PRTG: variants seen among roughly 807,000 people sequenced by gnomAD.
PRTG encodes immunoglobulin superfamily, DCC subclass, member 5.
PRTG carries 67 observed loss-of-function variants against 122.5 expected under a neutral mutation model. The ratio of observed to expected loss-of-function variants is 0.55; its 90% CI spans 0.45 to 0.67. The LOEUF (loss-of-function observed/expected upper bound fraction) is 0.67. PRTG is among the 30% of genes least tolerant of loss of function. The pLI, the probability that PRTG is intolerant of heterozygous loss-of-function variation, is 0.00. For synonymous variants in PRTG, 554 were observed against 501.1 expected (o/e 1.11, Z -1.41); for missense variants, 1,435 against 1,415.4 (o/e 1.01, Z -0.22).
intron 12 of PRTG, 107 bp from the exon 13 acceptor site, chr15:55,639,935 C>T: frequency 6.7e-7 from 1 of 1,486,898 alleles, no homozygotes; most frequent in Non-Finnish European, 9.0e-7. Context: ...GATTTTAGGT[C>T]TTTCTTCCAC....
At chr15:55,662,626 A>C (rs1595628760) in intron 11 of PRTG, among the ~76,000 whole-genome samples, 2 of 152,190 alleles carry the variant, frequency 1.3e-5, no homozygotes, top group African/African-American at 4.8e-5. Context: ...CTATATTGAA[A>C]AATTTCAGTT....
At chr15:55,630,188 G>C (rs957230256) in intron 15 of PRTG, among the ~76,000 whole-genome samples, 47 of 152,118 alleles carry the variant, frequency 3.1e-4, no homozygotes, top group Non-Finnish European at 3.4e-4. Flanking sequence ...GGGTTTCACC[G>C]TGTTAGCCAG....
chr15:55,725,099 C>CTATA (rs1329546049), intron 2 of PRTG, among the ~76,000 whole-genome samples: 1 of 152,108 alleles, frequency 6.6e-6, no homozygotes, highest in African/African-American at 2.4e-5. Context: ...CATAAAAAGC[C>CTATA]TATACATCTA....
At chr15:55,620,406 C>G in intron 19 of PRTG, 140 bp from the exon 20 acceptor site, 1 of 1,448,388 alleles carries the variant, frequency 6.9e-7, no homozygotes, top group South Asian at 1.4e-5. Context: ...TTCTTCAGTG[C>G]TTCTGATGCA....
chr15:55,684,515 C>T (rs1157905659), intron 2 of PRTG, among the ~76,000 whole-genome samples: 1 of 152,116 alleles, frequency 6.6e-6, no homozygotes, highest in Non-Finnish European at 1.5e-5. Context: ...CAGATCAAGA[C>T]TTTATGGGAA....
chr15:55,693,961 G>C (rs2059618759), intron 2 of PRTG, among the ~76,000 whole-genome samples: 1 of 152,078 alleles, frequency 6.6e-6, no homozygotes, highest in Non-Finnish European at 1.5e-5. Context: ...TAAAGGCAAA[G>C]GTATTCTAAA....
Position 55,620,281 on chromosome 15 carries a change from A to G in PRTG, c.3199-15T>C, listed in dbSNP as rs781711706. 3 of 1,612,658 alleles carry G rather than the reference A, an allele frequency of 1.9e-6. No homozygotes were observed. The highest frequency in any genetic ancestry group is 4.5e-5 in the East Asian group (2 of 44,886). On this transcript the variant is annotated splice_polypyrimidine_tract_variant and intron_variant, in intron 19 of 19. Transcript: ENST00000389286. ...CTTCTTTGAGGCTAGGCAAAAAAAGATAAGATGGCAATGAGATACCAGACT... is the reference window on the plus strand; with the variant it reads ...CTTCTTTGAGGCTAGGCAAAAAAAGGTAAGATGGCAATGAGATACCAGACT...
intron 9 of PRTG, among the ~76,000 whole-genome samples, chr15:55,674,187 C>T (rs1305054486): frequency 2.6e-5 from 4 of 152,306 alleles, no homozygotes; most frequent in Admixed American, 6.5e-5. Context: ...AATAAAACTG[C>T]ATTTCAGGAA....
At chr15:55,722,532 G>A (rs1353565539) in intron 2 of PRTG, among the ~76,000 whole-genome samples, 1 of 152,152 alleles carries the variant, frequency 6.6e-6, no homozygotes, top group African/African-American at 2.4e-5. Flanking sequence ...TATCAGCCAA[G>A]GGCCCTGAAA....
rs529396733 is a variant in PRTG at position 55,689,090 on chromosome 15, A to G, written c.398-5159T>C. Among the ~76,000 whole-genome samples the G allele has an allele frequency of 3.3e-5, 5 of 152,230 alleles. No homozygotes were observed. The South Asian group carries it at 1.0e-3, about 32-fold the overall frequency. ...TCACCTGAACCACTATCAGCCTCTT[A>G]TCTTGTTTCTGCTTTCATTCTTCCC... On this transcript the variant is annotated intron_variant, in intron 2 of 19. Coordinates refer to ENST00000389286, the MANE Select transcript of PRTG (RefSeq NM_173814.6).
intron 9 of PRTG, among the ~76,000 whole-genome samples, chr15:55,674,048 T>C (rs1215294512): frequency 1.3e-5 from 2 of 152,238 alleles, no homozygotes; most frequent in African/African-American, 4.8e-5. Flanking sequence ...CCTAGTATTC[T>C]ACAGTTATAA....
chr15:55,684,677 A>G (rs1001571451), intron 2 of PRTG, among the ~76,000 whole-genome samples: 2 of 133,168 alleles, frequency 1.5e-5, no homozygotes, highest in Non-Finnish European at 3.2e-5. Context: ...GCTATTAAAT[A>G]GGGATTACAG....
At chr15:55,680,744 G>T in intron 4 of PRTG, 116 bp from the exon 5 acceptor site, 1 of 606,254 alleles carries the variant, frequency 1.6e-6, no homozygotes, top group Non-Finnish European at 2.5e-6. Flanking sequence ...CAACTTTATT[G>T]AGATATAACT....
intron 9 of PRTG, 142 bp downstream of exon 9, chr15:55,675,377 G>C (rs2059496669): frequency 5.7e-6 from 3 of 523,038 alleles, no homozygotes; most frequent in Non-Finnish European, 9.8e-6. Flanking sequence ...CAAAAAGCAA[G>C]AGTGAGATTT....
In PRTG at chr15:55,621,757, T is replaced by C. The variant is rs111331289; in HGVS notation, c.3094-990A>G. ...ATAGGTTTATTTTTAAGCTTATACA[T>C]AAAATATATATTCCAAAACACATTA... is the stretch of plus-strand genomic sequence containing the variant. On this transcript the variant is annotated intron_variant, in intron 18 of 19. Coordinates refer to ENST00000389286, the MANE Select transcript of PRTG (RefSeq NM_173814.6). Among the ~76,000 whole-genome samples the C allele has an allele frequency of 1.8e-4, 27 of 152,302 alleles. 1 individual carries two copies. The highest frequency in any genetic ancestry group is 6.5e-4 in the Admixed American group (10 of 15,290).
intron 2 of PRTG, among the ~76,000 whole-genome samples, chr15:55,684,561 A>G (rs1336433771): frequency 6.6e-6 from 1 of 152,224 alleles, no homozygotes; most frequent in Non-Finnish European, 1.5e-5. Context: ...AAATTAAGGC[A>G]TCAATTAAGA....
At chr15:55,700,725 G>A (rs1457089218) in intron 2 of PRTG, among the ~76,000 whole-genome samples, 2 of 152,082 alleles carry the variant, frequency 1.3e-5, no homozygotes, top group African/African-American at 4.8e-5. Context: ...AGGCTGTACT[G>A]AGCCTGGATC....
chr15:55,674,191 T>G (rs561480088), intron 9 of PRTG, among the ~76,000 whole-genome samples: 1 of 152,338 alleles, frequency 6.6e-6, no homozygotes, highest in Non-Finnish European at 1.5e-5. Context: ...AAACTGCATT[T>G]CAGGAAAATG....
chr15:55,633,526 C>A (rs2141724442), intron 15 of PRTG, among the ~76,000 whole-genome samples: 1 of 152,242 alleles, frequency 6.6e-6, no homozygotes. Flanking sequence ...TACCTTGTTC[C>A]ATTTGTATTA....
Sources: gnomAD v4.1 joint callset for allele counts (sites outside exome capture counted in the v4.1 genomes callset) on GRCh38, gnomAD v4.1.1 for gene constraint, MANE v1.5 for transcripts, NCBI Gene and HGNC (gene_info 2026-07-23, HGNC 2026-07-21) for gene names.